The following MFSD2A variants were observed in gnomAD, a reference collection of about 807,000 sequenced individuals.
The protein encoded by MFSD2A is sodium-dependent lysophosphatidylcholine symporter 1.
MFSD2A carries 27 observed loss-of-function variants against 64.7 expected under a neutral mutation model. The observed-to-expected ratio is 0.42, with a 90% CI of 0.31 to 0.58. The LOEUF is 0.58. Among genes scored for constraint, MFSD2A ranks in the 20% least tolerant of loss-of-function variants. MFSD2A has a pLI of 0.18. For synonymous variants in MFSD2A, 258 were observed against 273.4 expected (o/e 0.94, Z 0.55); for missense variants, 474 against 679.5 (o/e 0.70, Z 3.36).
At chr1:39,967,483 G>C (rs1645188817) in intron 9 of MFSD2A, 145 bp from the exon 10 acceptor site, 6 of 763,948 alleles carry the variant, frequency 7.9e-6, no homozygotes, top group Non-Finnish European at 1.4e-5. Context: ...GCCGTCAAAG[G>C]TGCCTGTCAT....
At chr1:39,956,989 G>A in intron 1 of MFSD2A, 98 bp from the exon 2 acceptor site, 1 of 866,216 alleles carries the variant, frequency 1.2e-6, no homozygotes, top group South Asian at 1.4e-5. Context: ...AGAGTTGTTT[G>A]TTCTGGTAGA....
At position 39,964,709 on chromosome 1, in the gene MFSD2A, T is replaced by TG. The variant is rs1353518133; in HGVS notation, c.354-498dup. 6.4e-6 allele frequency: 1 copy of TG among 156,216 alleles called. No individual in the cohort carries two copies. The highest frequency in any genetic ancestry group is 2.5e-5 in the African/African-American group (1 of 39,902). 9.7% of individuals were successfully genotyped at this position (156,216 alleles called of 1,614,324 possible). A position where few individuals can be genotyped will look rare whatever the true frequency, so the allele number is the denominator to read the frequency against. On this transcript the variant is annotated intron_variant, in intron 3 of 13. Coordinates refer to ENST00000372811, the MANE Select transcript of MFSD2A (RefSeq NM_032793.5). The surrounding 1 kb of genome is among the most constrained non-coding windows in gnomAD (Gnocchi z 4.1). ...GTATGTGAATGGGGGTGTGTGTGAA[T>TG]GGGGTGTGTGTGTGTGAATGATGTG... is the stretch of plus-strand genomic sequence containing the variant.
Position 39,963,118 on chromosome 1 carries a change from T to C in MFSD2A, c.354-2093T>C. 2 of 1,362,432 alleles carry C rather than the reference T, an allele frequency of 1.5e-6. No individual in the cohort carries two copies. Among genetic ancestry groups the C allele is most frequent in the Non-Finnish European group, 1.0e-6 (1 of 979,918 alleles). 84.4% of individuals were successfully genotyped at this position (1,362,432 alleles called of 1,614,324 possible). A position where few individuals can be genotyped will look rare whatever the true frequency, so the allele number is the denominator to read the frequency against. On this transcript the variant is annotated intron_variant, in intron 3 of 13. Transcript: ENST00000372811. This position sits in a 1 kb window ranked among gnomAD's most constrained non-coding sequence, Gnocchi z 4.2. Reference sequence around the variant, plus strand: ...AAGGTGACAGGCCGCTGCGGCTCTGTGCTGGTGCGTCTCATCCCTGCACCC... The same window carrying C: ...AAGGTGACAGGCCGCTGCGGCTCTGCGCTGGTGCGTCTCATCCCTGCACCC...
At position 39,969,623 on chromosome 1, in the gene MFSD2A, CCTGT is replaced by C. The variant is rs1645240621; in HGVS notation, c.*59_*62del. On this transcript the variant is annotated 3_prime_UTR_variant, in exon 14 of 14. Transcript: ENST00000372811. ...CAGAAGGCCACAGAAGGGATCAGGA[CCTGT>C]CTGCCGGCTTGCTGAGCAGCTGGAC... 85 of 1,531,468 alleles carry C rather than the reference CCTGT, an allele frequency of 5.6e-5. No homozygotes were observed. In the South Asian group the frequency reaches 9.9e-4, roughly 18 times the overall value. The allele number at this position is 1,531,468 out of a possible 1,614,324, so 94.9% of individuals were successfully genotyped here.
Position 39,955,183 on chromosome 1 carries a change from C to A in MFSD2A, c.-110C>A. 1.1e-6 allele frequency: 1 copy of A among 880,214 alleles called. No individual in the cohort carries two copies. The highest frequency in any genetic ancestry group is 1.5e-6 in the Non-Finnish European group (1 of 653,124). The allele number at this position is 880,214 out of a possible 1,614,324, so 54.5% of individuals were successfully genotyped here. A position where few individuals can be genotyped will look rare whatever the true frequency, so the allele number is the denominator to read the frequency against. On this transcript the variant is annotated 5_prime_UTR_variant, in exon 1 of 14. Transcript: ENST00000372811. This position sits in a 1 kb window ranked among gnomAD's most constrained non-coding sequence, Gnocchi z 5.9. ...CGTCTGCCAGCCGGCTTGGCTAGCG[C>A]GCGGCGGCCGTGGCTAAGGCTGCTA...
intron 13 of MFSD2A, 141 bp from the exon 14 acceptor site, chr1:39,969,358 TTGAAAG>T: frequency 3.4e-6 from 2 of 584,028 alleles, no homozygotes; most frequent in Non-Finnish European, 6.1e-6. Flanking sequence ...CAACCAACAG[TTGAAAG>T]TGGGAGTGAG....
At chr1:39,966,537 G>T in intron 6 of MFSD2A, 64 bp from the exon 7 acceptor site, 1 of 1,359,868 alleles carries the variant, frequency 7.4e-7, no homozygotes, top group Non-Finnish European at 1.0e-6. Context: ...GGGGCTGCTG[G>T]AACTGGGGTG....
At chr1:39,956,936 A>G (rs1024458036) in intron 1 of MFSD2A, 151 bp from the exon 2 acceptor site, 63 of 705,130 alleles carry the variant, frequency 8.9e-5, no homozygotes, top group Non-Finnish European at 1.3e-4. Flanking sequence ...AAAAAAAAAA[A>G]AAAAAAAAAG....
Position 39,963,194 on chromosome 1 carries a change from G to A in MFSD2A, c.354-2017G>A. ...CTGTGCCCAAGAAGCTGCTCATGAT[G>A]GCTGGTATCGATGACTGCTACACCT... On this transcript the variant is annotated intron_variant, in intron 3 of 13. Coordinates refer to ENST00000372811, the MANE Select transcript of MFSD2A (RefSeq NM_032793.5). This position sits in a 1 kb window ranked among gnomAD's most constrained non-coding sequence, Gnocchi z 4.2. The A allele has an allele frequency of 6.3e-7, 1 of 1,575,586 alleles. No individual in the cohort carries two copies. Among genetic ancestry groups the A allele is most frequent in the East Asian group, 2.2e-5 (1 of 44,746 alleles).
intron 9 of MFSD2A, 90 bp downstream of exon 9, chr1:39,967,259 A>C: frequency 1.6e-6 from 2 of 1,232,890 alleles, no homozygotes; most frequent in African/African-American, 1.5e-5. Flanking sequence ...GATGTTTCTC[A>C]GGCTGGCCCA....
At position 39,968,220 on chromosome 1, in the gene MFSD2A, C is replaced by T. The variant is rs1225922840; in HGVS notation, c.1209-114C>T. On this transcript the variant is annotated intron_variant, in intron 11 of 13. Coordinates refer to ENST00000372811, the MANE Select transcript of MFSD2A (RefSeq NM_032793.5). This position sits in a 1 kb window ranked among gnomAD's most constrained non-coding sequence, Gnocchi z 4.4. ...TCTTATTCATGTGAAGGTCCCATAT[C>T]CTCACTGAGCTGTGTACCCATGGTA... 1 of 1,266,256 alleles carries T rather than the reference C, an allele frequency of 7.9e-7. No homozygotes were observed. Among genetic ancestry groups the T allele is most frequent in the African/African-American group, 1.5e-5 (1 of 67,736 alleles). 78.4% of individuals were successfully genotyped at this position (1,266,256 alleles called of 1,614,324 possible).
rs1203234448 is a variant in MFSD2A at position 39,960,733 on chromosome 1, C to T, written c.353+1908C>T. Among the ~76,000 whole-genome samples the T allele has an allele frequency of 6.6e-6, 1 of 152,224 alleles. No homozygotes were observed. Among genetic ancestry groups the T allele is most frequent in the Non-Finnish European group, 1.5e-5 (1 of 68,040 alleles). ...AAAGGCTGATGAGGAGCTCTTGTTC[C>T]CTGAGGAGACAGAGTCAAGAGAGGT... On this transcript the variant is annotated intron_variant, in intron 3 of 13. Transcript: ENST00000372811. The surrounding 1 kb of genome is among the most constrained non-coding windows in gnomAD (Gnocchi z 4.8).
chr1:39,967,767 T>C, intron 10 of MFSD2A, 37 bp from the exon 11 acceptor site: 1 of 1,609,688 alleles, frequency 6.2e-7, no homozygotes, highest in Non-Finnish European at 8.5e-7. Context: ...GGTGGGAACC[T>C]CCCAGCTGAT....
Position 39,965,059 on chromosome 1 carries a change from G to A in MFSD2A, c.354-152G>A, listed in dbSNP as rs563388415. ...CTTGGTCATCAGCCTCTTCCCAGAGGCCCAGGATGGGTGGATTTGGCAGGA... is the reference window on the plus strand; with the variant it reads ...CTTGGTCATCAGCCTCTTCCCAGAGACCCAGGATGGGTGGATTTGGCAGGA... On this transcript the variant is annotated intron_variant, in intron 3 of 13. Transcript: ENST00000372811. This position sits in a 1 kb window ranked among gnomAD's most constrained non-coding sequence, Gnocchi z 5.5. The A allele has an allele frequency of 1.2e-5, 13 of 1,063,384 alleles. No homozygotes were observed. The East Asian group carries it at 3.1e-4, about 25-fold the overall frequency. 65.9% of individuals were successfully genotyped at this position (1,063,384 alleles called of 1,614,324 possible). A position where few individuals can be genotyped will look rare whatever the true frequency, so the allele number is the denominator to read the frequency against.
chr1:39,958,863 G>T lies in MFSD2A; in HGVS notation c.353+38G>T. The T allele has an allele frequency of 6.5e-7, 1 of 1,549,832 alleles. No homozygotes were observed. Among genetic ancestry groups the T allele is most frequent in the South Asian group, 1.2e-5 (1 of 81,000 alleles). On this transcript the variant is annotated intron_variant, in intron 3 of 13. Transcript: ENST00000372811. This position sits in a 1 kb window ranked among gnomAD's most constrained non-coding sequence, Gnocchi z 4.7. ...TGCCCCTTCGAGGTGGCACAAGGCA[G>T]GACTTCCAGCATATCTGCTCCTTGG...
intron 9 of MFSD2A, 28 bp downstream of exon 9, chr1:39,967,197 A>G (rs1223595880): frequency 6.2e-7 from 1 of 1,600,768 alleles, no homozygotes; most frequent in Middle Eastern, 1.7e-4. Context: ...AGGGGCGGGC[A>G]GCCTGGGCTG....
chr1:39,955,314 G>C lies in MFSD2A; in HGVS notation c.22G>C (p.Glu8Gln), dbSNP rs772879422. Residue 8 changes from glutamate to glutamine, a missense_variant, in exon 1 of 14, where the codon GAG (glutamate) becomes CAG (glutamine). Physicochemically the swap from Glu to Gln is conservative, Grantham distance 29. Transcript: ENST00000372811. This position sits in a 1 kb window ranked among gnomAD's most constrained non-coding sequence, Gnocchi z 5.9. ...GGTCATGGCCAAAGGAGAAGGCGCC[G>C]AGAGCGGCTCCGCGGCGGGGCTGCT... MAKGEGAESGSAAGLLPT... is the reference protein window; with the variant it reads MAKGEGAQSGSAAGLLPT... 6.9e-7 allele frequency: 1 copy of C among 1,443,534 alleles called. No individual in the cohort carries two copies. The highest frequency in any genetic ancestry group is 9.1e-7 in the Non-Finnish European group (1 of 1,096,224). 89.4% of individuals were successfully genotyped at this position (1,443,534 alleles called of 1,614,324 possible). A position where few individuals can be genotyped will look rare whatever the true frequency, so the allele number is the denominator to read the frequency against.
chr1:39,956,350 G>A (rs958837670), intron 1 of MFSD2A, among the ~76,000 whole-genome samples: 6 of 152,160 alleles, frequency 3.9e-5, no homozygotes, highest in Admixed American at 3.3e-4. Flanking sequence ...GCTGGGCCGG[G>A]CCCCCGTAGC....
rs1162515965 is a variant in MFSD2A, at chr1:39,955,768, C to G, written c.93+383C>G. ...TCCCCATCTCTCATCCCCTACCTCC[C>G]ACTCCACCCACCTACTCTTGCGCCT... On this transcript the variant is annotated intron_variant, in intron 1 of 13. Coordinates refer to ENST00000372811, the MANE Select transcript of MFSD2A (RefSeq NM_032793.5). This position sits in a 1 kb window ranked among gnomAD's most constrained non-coding sequence, Gnocchi z 5.9. The G allele has an allele frequency of 2.2e-6, 1 of 444,764 alleles. No homozygotes were observed. The highest frequency in any genetic ancestry group is 2.8e-5 in the Admixed American group (1 of 35,992). The allele number at this position is 444,764 out of a possible 1,614,324, so 27.6% of individuals were successfully genotyped here.
Sources: allele counts gnomAD v4.1 joint callset (sites outside exome capture counted in the v4.1 genomes callset), GRCh38; gene constraint gnomAD v4.1.1; non-coding constraint Gnocchi (gnomAD v3.1); transcripts MANE v1.5; gene names NCBI Gene and HGNC (gene_info 2026-07-23, HGNC 2026-07-21).